RAD51B: variants seen among roughly 807,000 people sequenced by gnomAD.
The protein encoded by RAD51B is RAD51 paralog B.
In RAD51B, 38 loss-of-function variants were observed where a neutral mutation model predicts 42.2. The observed-to-expected ratio is 0.90, with a 90% CI of 0.70 to 1.18. RAD51B has a LOEUF of 1.18. Among genes scored for constraint, RAD51B ranks in the 50% most tolerant of loss-of-function variants. RAD51B has a pLI of 0.00. For synonymous variants in RAD51B, 154 were observed against 145.2 expected, an observed-to-expected ratio of 1.06 and a Z score of -0.43; for missense variants, 373 against 400.7, an observed-to-expected ratio of 0.93 and a Z score of 0.59.
chr14:68,579,697 G>T (rs533833955), intron 10 of RAD51B, among the ~76,000 whole-genome samples: 1 of 152,306 alleles, frequency 6.6e-6, no homozygotes, highest in Admixed American at 6.5e-5. Context: ...TCCCAAATCA[G>T]CCTGGAGAGA....
chr14:68,507,027 CAAAA>C (rs1885377723), intron 10 of RAD51B, among the ~76,000 whole-genome samples: 2 of 151,418 alleles, frequency 1.3e-5, no homozygotes, highest in Non-Finnish European at 2.9e-5. Flanking sequence ...TGCTTGGTAG[CAAAA>C]GCTCTAGGTC....
chr14:68,441,322 C>CA (rs33956214), intron 9 of RAD51B, among the ~76,000 whole-genome samples: 16,075 of 143,738 alleles, frequency 0.11, 1,215 homozygotes, highest in East Asian at 0.41. Context: ...GTGGGTGGAT[C>CA]ACGAGGTCAG....
Position 68,500,732 on chromosome 14 carries a change from G to A in RAD51B, c.1036+32482G>A, listed in dbSNP as rs113295844. On this transcript the variant is annotated intron_variant, in intron 10 of 10. Coordinates refer to the RAD51B transcript ENST00000487270. ...TCCAGGGCTCTAAGGTCCTTTCTTC[G>A]CTCTCAGCCTTGTTGGGAAAAGAGA... 4.5e-3 allele frequency among the ~76,000 whole-genome samples: 683 copies of A among 152,260 alleles called. 1 individual carries two copies. The highest frequency in any genetic ancestry group is 7.5e-3 in the Non-Finnish European group (507 of 68,024).
rs140686356 is a variant in RAD51B, at chr14:68,434,608, G to A, written c.957+23081G>A. ...ACCATTGGAAAAGCGCAGTATTAGG[G>A]TGAGAGTGACCTGATTTTCCAGGTG... On this transcript the variant is annotated intron_variant, in intron 9 of 10. Coordinates refer to ENST00000471583, the MANE Select transcript of RAD51B (RefSeq NM_133510.4). Among the ~76,000 whole-genome samples, 125 of 152,276 alleles carry A rather than the reference G, an allele frequency of 8.2e-4. 1 individual carries two copies. Among genetic ancestry groups the A allele is most frequent in the Middle Eastern group, 3.4e-3 (1 of 294 alleles).
intron 7 of RAD51B, among the ~76,000 whole-genome samples, chr14:68,050,259 CT>C (rs1482599427): frequency 6.7e-6 from 1 of 148,742 alleles, no homozygotes; most frequent in Non-Finnish European, 1.5e-5. Context: ...CTTCTGTTTT[CT>C]CTTTTCTTTT....
intron 7 of RAD51B, among the ~76,000 whole-genome samples, chr14:68,036,424 G>A (rs1223849974): frequency 2.0e-5 from 3 of 152,106 alleles, no homozygotes; most frequent in Non-Finnish European, 2.9e-5. Flanking sequence ...TCAGAGTTTC[G>A]CTGTTTAGTT....
At chr14:68,371,036 C>CAAAAAAAAAAAAAAAAAAAAA (rs75617123) in intron 8 of RAD51B, among the ~76,000 whole-genome samples, 1 of 26,118 alleles carries the variant, frequency 3.8e-5, no homozygotes, top group African/African-American at 2.0e-4. Flanking sequence ...GACTCTGTCT[C>CAAAAAAAAAAAAAAAAAAAAA]AAAAAAAAAA....
At chr14:68,285,788 C>G (rs1880987063) in intron 7 of RAD51B, among the ~76,000 whole-genome samples, 1 of 152,142 alleles carries the variant, frequency 6.6e-6, no homozygotes, top group African/African-American at 2.4e-5. Flanking sequence ...CTCTGTTGCA[C>G]AGAGACATGA....
intron 8 of RAD51B, among the ~76,000 whole-genome samples, chr14:68,307,950 A>C (rs1193247655): frequency 1.3e-5 from 2 of 152,154 alleles, no homozygotes; most frequent in Non-Finnish European, 2.9e-5. Context: ...CAACACAAAC[A>C]TCTGGACTGG....
chr14:67,944,439 C>T (rs1195162814), intron 7 of RAD51B, among the ~76,000 whole-genome samples: 1 of 151,594 alleles, frequency 6.6e-6, no homozygotes, highest in Non-Finnish European at 1.5e-5. Context: ...TTTTTTGGCC[C>T]TTTGTTGTTT....
At chr14:68,523,913 G>C (rs1417370834) in intron 10 of RAD51B, among the ~76,000 whole-genome samples, 1 of 152,246 alleles carries the variant, frequency 6.6e-6, no homozygotes, top group Non-Finnish European at 1.5e-5. Context: ...TTAGGAATGT[G>C]TCTGTCGTGC....
chr14:68,365,097 A>G (rs892686602), intron 8 of RAD51B, among the ~76,000 whole-genome samples: 1 of 152,178 alleles, frequency 6.6e-6, no homozygotes, highest in Non-Finnish European at 1.5e-5. Flanking sequence ...AGCACAGGGC[A>G]CTGGGTGGCT....
chr14:68,274,047 G>T (rs111608823), intron 7 of RAD51B, among the ~76,000 whole-genome samples: 1 of 151,780 alleles, frequency 6.6e-6, no homozygotes, highest in African/African-American at 2.4e-5. Context: ...CTTATGCTTC[G>T]GGAGCAGCCA....
intron 7 of RAD51B, among the ~76,000 whole-genome samples, chr14:67,889,198 CAATT>C (rs756349111): frequency 3.3e-5 from 5 of 151,022 alleles, no homozygotes; most frequent in Non-Finnish European, 7.4e-5. Context: ...TTTTTTGTGA[CAATT>C]AAGATTGTAA....
intron 7 of RAD51B, among the ~76,000 whole-genome samples, chr14:68,164,546 TG>T (rs1476605587): frequency 2.0e-5 from 3 of 152,210 alleles, no homozygotes; most frequent in Admixed American, 6.5e-5. Flanking sequence ...GCGGGCTTTC[TG>T]GGGCTAGTGA....
intron 7 of RAD51B, among the ~76,000 whole-genome samples, chr14:67,915,490 T>C (rs934957744): frequency 6.6e-6 from 1 of 152,210 alleles, no homozygotes; most frequent in African/African-American, 2.4e-5. Context: ...TCTAGCTTTA[T>C]TGGCTTTTAT....
At chr14:67,987,245 G>A (rs758099127) in intron 7 of RAD51B, among the ~76,000 whole-genome samples, 31 of 152,114 alleles carry the variant, frequency 2.0e-4, no homozygotes, top group Admixed American at 4.6e-4. Flanking sequence ...ATTGAGTATC[G>A]TTACCCTATT....
At chr14:67,844,050 C>G (rs1171370314) in intron 4 of RAD51B, among the ~76,000 whole-genome samples, 2 of 152,012 alleles carry the variant, frequency 1.3e-5, no homozygotes, top group Non-Finnish European at 2.9e-5. Context: ...TATGTTGTAT[C>G]TTTATTCTCA....
chr14:67,952,443 A>G (rs2074471053), intron 7 of RAD51B, among the ~76,000 whole-genome samples: 4 of 152,204 alleles, frequency 2.6e-5, no homozygotes, highest in African/African-American at 9.6e-5. Context: ...CTGACAATGT[A>G]CATGAACAGA....
Sources: gnomAD v4.1 joint callset for allele counts (sites outside exome capture counted in the v4.1 genomes callset) on GRCh38, gnomAD v4.1.1 for gene constraint, MANE v1.5 for transcripts, NCBI Gene and HGNC (gene_info 2026-07-23, HGNC 2026-07-21) for gene names.